The following ARFGEF1 variants were observed in gnomAD, a reference collection of about 807,000 sequenced individuals.
ARFGEF1 encodes the protein ARF guanine nucleotide exchange factor 1, also known as brefeldin A-inhibited guanine nucleotide-exchange protein 1.
A neutral mutation model predicts 231.0 loss-of-function variants in ARFGEF1; 42 were observed. That is an observed-to-expected ratio of 0.18 (90% CI 0.14 to 0.24). ARFGEF1 has a LOEUF of 0.24. Ranked by LOEUF, ARFGEF1 falls within the 10% of genes least tolerant of loss-of-function variation. The pLI is 1.00. For synonymous variants in ARFGEF1, 710 were observed against 732.3 expected (o/e 0.97, Z 0.49); for missense variants, 1,345 against 2,192.0 (o/e 0.61, Z 7.72).
At chr8:67,314,554 G>C (rs1436955948) in intron 1 of ARFGEF1, among the ~76,000 whole-genome samples, 2 of 152,172 alleles carry the variant, frequency 1.3e-5, no homozygotes, top group African/African-American at 2.4e-5. Flanking sequence ...TCCAGCGGGG[G>C]TGTGTGTTTG....
chr8:67,191,995 T>G (rs1836385215), intron 5 of ARFGEF1, among the ~76,000 whole-genome samples: 1 of 152,134 alleles, frequency 6.6e-6, no homozygotes, highest in African/African-American at 2.4e-5. Context: ...ATATTGAACA[T>G]CTTTTCATGG....
chr8:67,336,844 A>G (rs917604093), intron 1 of ARFGEF1, among the ~76,000 whole-genome samples: 3 of 152,148 alleles, frequency 2.0e-5, no homozygotes, highest in African/African-American at 7.2e-5. Context: ...AAACCTGACA[A>G]GGCAGGCCGG....
At chr8:67,203,362 G>T in intron 35 of ARFGEF1, 111 bp from the exon 36 acceptor site, 2 of 1,242,080 alleles carry the variant, frequency 1.6e-6, no homozygotes, top group Non-Finnish European at 2.3e-6. Flanking sequence ...CAGATACTCA[G>T]CTTGATCTAA....
chr8:67,294,387 C>T (rs1182508740), intron 5 of ARFGEF1, among the ~76,000 whole-genome samples: 3 of 151,966 alleles, frequency 2.0e-5, no homozygotes, highest in African/African-American at 7.2e-5. Flanking sequence ...ATAGCATTAC[C>T]CTATTGCAGA....
At chr8:67,224,830 G>A (rs1839318090) in intron 29 of ARFGEF1, 73 bp downstream of exon 29, 1 of 1,089,786 alleles carries the variant, frequency 9.2e-7, no homozygotes, top group Non-Finnish European at 1.2e-6. Flanking sequence ...GTGAGATTGT[G>A]TTTATAAAGA....
chr8:67,293,695 G>A (rs1806108163), intron 5 of ARFGEF1, among the ~76,000 whole-genome samples: 1 of 152,076 alleles, frequency 6.6e-6, no homozygotes. Flanking sequence ...CTTCAAGATG[G>A]TCACCAATGA....
At chr8:67,259,314 C>T (rs1029769806) in intron 15 of ARFGEF1, among the ~76,000 whole-genome samples, 5 of 152,200 alleles carry the variant, frequency 3.3e-5, no homozygotes, top group African/African-American at 9.7e-5. Context: ...GCAACCTCCA[C>T]CTCCTGGGTT....
Position 67,239,916 on chromosome 8 carries a change from T to G in ARFGEF1, c.2979+246A>C, listed in dbSNP as rs536107932. 2.6e-5 allele frequency among the ~76,000 whole-genome samples: 4 copies of G among 151,832 alleles called. No individual in the cohort carries two copies. The East Asian group carries it at 5.8e-4, about 22-fold the overall frequency. On this transcript the variant is annotated intron_variant, in intron 20 of 38. Coordinates refer to ENST00000262215, the MANE Select transcript of ARFGEF1 (RefSeq NM_006421.5). ...TTCAAAGTCTTGAAAACTTTCTGTA[T>G]AGTCTTCAATAGAGAAAAAAAACTG...
downstream of ARFGEF1, chr8:67,193,563 C>T (rs200346372): frequency 1.7e-5 from 27 of 1,613,234 alleles, no homozygotes; most frequent in Admixed American, 2.3e-4. Flanking sequence ...GGAACGAATG[C>T]GAAGACTGAA....
Position 67,317,608 on chromosome 8 carries a change from T to TAA in ARFGEF1, c.125-15143_125-15142insTT, listed in dbSNP as rs1563912337. Among the ~76,000 whole-genome samples, 5 of 134,886 alleles carry TAA rather than the reference T, an allele frequency of 3.7e-5. 1 individual carries two copies. Among genetic ancestry groups the TAA allele is most frequent in the Admixed American group, 7.5e-5 (1 of 13,314 alleles). The allele number at this position is 134,886 out of a possible 152,430, so 88.5% of individuals were successfully genotyped here. A position where few individuals can be genotyped will look rare whatever the true frequency, so the allele number is the denominator to read the frequency against. ...TATTCTAAAGACACAGAACTAATAT[T>TAA]TAAAAAAAAAAAAAAAAAAAGGTTG... On this transcript the variant is annotated intron_variant, in intron 1 of 38. Coordinates refer to ENST00000262215, the MANE Select transcript of ARFGEF1 (RefSeq NM_006421.5).
chr8:67,189,223 T>C (rs1586905725), intron 5 of ARFGEF1, among the ~76,000 whole-genome samples: 1 of 152,164 alleles, frequency 6.6e-6, no homozygotes, highest in African/African-American at 2.4e-5. Context: ...CTTACAAAAA[T>C]AAGCATATTC....
intron 1 of ARFGEF1, among the ~76,000 whole-genome samples, chr8:67,310,935 G>A (rs1271329373): frequency 1.2e-4 from 17 of 145,832 alleles, no homozygotes; most frequent in East Asian, 8.6e-4. Context: ...GAGCCTCTCC[G>A]CCCGGCAGCC....
Position 67,257,744 on chromosome 8 carries a change from A to G in ARFGEF1, c.2514T>C (p.Leu838=). The G allele has an allele frequency of 1.2e-6, 2 of 1,606,084 alleles. No individual in the cohort carries two copies. The highest frequency in any genetic ancestry group is 1.3e-5 in the African/African-American group (1 of 74,730). ...AYSIIMLTTD[L]HSPQVKNKMT... is the part of the protein sequence containing the mutation. ...AAAGAAAACATACCTGTGGACTGTG[A>G]AGGTCTGTGGTCAACATGATAATTG... The change falls in exon 17 of 39, where the codon CTT becomes CTC. Residue 838 remains leucine, a synonymous_variant. Transcript: ENST00000262215.
chr8:67,228,182 G>A, intron 24 of ARFGEF1, 42 bp downstream of exon 24: 2 of 1,605,902 alleles, frequency 1.2e-6, no homozygotes, highest in Middle Eastern at 1.7e-4. Flanking sequence ...AGTTATTTTA[G>A]CCCCAAGCCA....
intron 9 of ARFGEF1, among the ~76,000 whole-genome samples, chr8:67,273,932 C>T (rs1446743117): frequency 6.6e-6 from 1 of 151,946 alleles, no homozygotes; most frequent in Non-Finnish European, 1.5e-5. Context: ...AATCCTGCAG[C>T]TTACCATTCT....
At chr8:67,233,393 C>T (rs948621059) in intron 22 of ARFGEF1, among the ~76,000 whole-genome samples, 3 of 151,932 alleles carry the variant, frequency 2.0e-5, no homozygotes, top group African/African-American at 7.2e-5. Flanking sequence ...TTCTAACACC[C>T]TTTTATTGAA....
intron 14 of ARFGEF1, among the ~76,000 whole-genome samples, chr8:67,261,643 A>G (rs769369274): frequency 6.6e-6 from 1 of 152,146 alleles, no homozygotes; most frequent in South Asian, 2.1e-4. Flanking sequence ...TGCTAACACA[A>G]TATCCATTCT....
chr8:67,192,638 TTCAG>T (rs1332071060), intron 5 of ARFGEF1, among the ~76,000 whole-genome samples: 2 of 152,152 alleles, frequency 1.3e-5, no homozygotes, highest in Non-Finnish European at 2.9e-5. Context: ...CTTGTTTTCT[TTCAG>T]TTTGTTCTTA....
At chr8:67,252,720 G>T (rs1208161359) in intron 18 of ARFGEF1, among the ~76,000 whole-genome samples, 2 of 152,180 alleles carry the variant, frequency 1.3e-5, no homozygotes, top group African/African-American at 4.8e-5. Context: ...GTCTAGAAGG[G>T]GGCTGGGTTC....
Sources: gnomAD v4.1 joint callset for allele counts (sites outside exome capture counted in the v4.1 genomes callset) on GRCh38, gnomAD v4.1.1 for gene constraint, MANE v1.5 for transcripts, NCBI Gene and HGNC (gene_info 2026-07-23, HGNC 2026-07-21) for gene names.